The following PXYLP1 variants were observed in gnomAD, a reference collection of about 807,000 sequenced individuals.
The protein encoded by PXYLP1 is 2-phosphoxylose phosphatase 1.
A neutral mutation model predicts 37.9 loss-of-function variants in PXYLP1; 17 were observed. The observed-to-expected ratio is 0.45, with a 90% confidence interval of 0.31 to 0.67. PXYLP1 has a LOEUF of 0.67. Among genes scored for constraint, PXYLP1 ranks in the 30% least tolerant of loss-of-function variants. The probability of loss-of-function intolerance (pLI) is 0.07; values close to 1 mark genes in which losing one functional copy is unlikely to be tolerated. For missense variants in PXYLP1, 511 were observed against 612.0 expected (o/e 0.84, Z 1.74); for synonymous variants, 221 against 232.2 (o/e 0.95, Z 0.44).
chr3:141,262,633 T>G (rs1185674862), intron 2 of PXYLP1: 12 of 1,496,044 alleles, frequency 8.0e-6, no homozygotes, highest in Non-Finnish European at 1.1e-5. Flanking sequence ...CAGGGTAAAT[T>G]AGCCTGTCTG....
At chr3:141,259,480 G>A (rs1243373171) in intron 1 of PXYLP1, among the ~76,000 whole-genome samples, 2 of 151,976 alleles carry the variant, frequency 1.3e-5, no homozygotes, top group Non-Finnish European at 2.9e-5. Context: ...TGTGGTTAGG[G>A]GAATTTTGAA....
chr3:141,257,093 A>G (rs927674170), intron 1 of PXYLP1, among the ~76,000 whole-genome samples: 2 of 152,238 alleles, frequency 1.3e-5, no homozygotes, highest in Non-Finnish European at 2.9e-5. Context: ...GGAGATTTTC[A>G]TGTCGTGCCT....
chr3:141,283,881 G>A lies in PXYLP1; in HGVS notation c.366-3433G>A, dbSNP rs112565141. On this transcript the variant is annotated intron_variant, in intron 4 of 5. Transcript: ENST00000286353. ...TTGGGGTTCAGCCTCAAACTTTGTGGCATAAATAGATGTGAATAATGCATA... is the reference window on the plus strand; with the variant it reads ...TTGGGGTTCAGCCTCAAACTTTGTGACATAAATAGATGTGAATAATGCATA... Among the ~76,000 whole-genome samples, 340 of 151,910 alleles carry A rather than the reference G, an allele frequency of 2.2e-3. 2 individuals are homozygous for A. Among genetic ancestry groups the A allele is most frequent in the African/African-American group, 8.0e-3 (330 of 41,452 alleles).
chr3:141,256,389 AG>A (rs1941263086), intron 1 of PXYLP1, among the ~76,000 whole-genome samples: 1 of 152,182 alleles, frequency 6.6e-6, no homozygotes. Flanking sequence ...CTATCTTTGG[AG>A]CCTCGTCCTT....
At chr3:141,272,233 A>G (rs1489547732) in intron 2 of PXYLP1, among the ~76,000 whole-genome samples, 1 of 152,140 alleles carries the variant, frequency 6.6e-6, no homozygotes, top group Admixed American at 6.5e-5. Flanking sequence ...ACTCGGTTAT[A>G]ACTTTATCTG....
At chr3:141,262,300 G>A (rs752806632) in intron 2 of PXYLP1, 7 of 998,926 alleles carry the variant, frequency 7.0e-6, no homozygotes, top group Non-Finnish European at 8.4e-6. Context: ...ATTCCAGATG[G>A]CAAATGAATT....
At position 141,254,711 on chromosome 3, in the gene PXYLP1, G is replaced by GT. The variant is rs577412917; in HGVS notation, c.-53-5401dup. Reference sequence around the variant, plus strand: ...TTGTTCACAATTGCAGACTTGAAGGGTTTTTTTTTTTAATTGTAATGCTGT... The same window carrying GT: ...TTGTTCACAATTGCAGACTTGAAGGGTTTTTTTTTTTTAATTGTAATGCTGT... On this transcript the variant is annotated intron_variant, in intron 1 of 5. Transcript: ENST00000286353. 5.0e-3 allele frequency among the ~76,000 whole-genome samples: 727 copies of GT among 146,796 alleles called. 7 individuals carry two copies. The highest frequency in any genetic ancestry group is 0.014 in the African/African-American group (583 of 40,258).
chr3:141,281,779 G>GCCAC, intron 4 of PXYLP1, among the ~76,000 whole-genome samples: 1 of 152,176 alleles, frequency 6.6e-6, no homozygotes. Flanking sequence ...ACCAACCCAT[G>GCCAC]CAGTGTGAGG....
At chr3:141,286,225 A>G (rs530011756) in intron 4 of PXYLP1, among the ~76,000 whole-genome samples, 1 of 152,374 alleles carries the variant, frequency 6.6e-6, no homozygotes, top group Non-Finnish European at 1.5e-5. Flanking sequence ...TCATTTCATT[A>G]TTCAGGGTAA....
chr3:141,285,994 A>G (rs1312607874), intron 4 of PXYLP1, among the ~76,000 whole-genome samples: 8 of 152,046 alleles, frequency 5.3e-5, no homozygotes. Flanking sequence ...TAGATAATAA[A>G]CCCATTTTGG....
chr3:141,279,921 G>A (rs749623395), intron 4 of PXYLP1, among the ~76,000 whole-genome samples: 27 of 152,320 alleles, frequency 1.8e-4, no homozygotes, highest in Admixed American at 6.5e-4. Flanking sequence ...ATGCAAAGTT[G>A]GGGCAAAGAG....
intron 1 of PXYLP1, among the ~76,000 whole-genome samples, chr3:141,232,758 G>C (rs1940557206): frequency 6.6e-6 from 1 of 152,382 alleles, no homozygotes; most frequent in African/African-American, 2.4e-5. Flanking sequence ...TGTACCTGTG[G>C]ATGGTAAAGG....
intron 1 of PXYLP1, among the ~76,000 whole-genome samples, chr3:141,238,989 G>C (rs1370987430): frequency 2.0e-5 from 3 of 151,232 alleles, no homozygotes; most frequent in East Asian, 1.9e-4. Context: ...CTACGTGTAA[G>C]TCGACCTGCT....
At position 141,294,695 on chromosome 3, in the gene PXYLP1, C is replaced by T. The variant is rs1942308970; in HGVS notation, c.*1490C>T. The T allele has an allele frequency of 6.6e-6, 1 of 152,136 alleles. No homozygotes were observed. Among genetic ancestry groups the T allele is most frequent in the African/African-American group, 2.4e-5 (1 of 41,422 alleles). 9.4% of individuals were successfully genotyped at this position (152,136 alleles called of 1,614,324 possible). A position where few individuals can be genotyped will look rare whatever the true frequency, so the allele number is the denominator to read the frequency against. On this transcript the variant is annotated 3_prime_UTR_variant, in exon 6 of 6. Transcript: ENST00000286353. Reference sequence around the variant, plus strand: ...CACTCGAGTTATTTTCAAGTGAGAGCCAGTATTTTATTTTTCCCCCTTCAT... The same window carrying T: ...CACTCGAGTTATTTTCAAGTGAGAGTCAGTATTTTATTTTTCCCCCTTCAT...
intron 2 of PXYLP1, among the ~76,000 whole-genome samples, chr3:141,269,847 AATGGCCCTGTTAGGGT>A (rs1431201777): frequency 1.3e-5 from 2 of 152,220 alleles, no homozygotes; most frequent in Non-Finnish European, 2.9e-5. Flanking sequence ...CATCTAATCC[AATGGCCCTGTTAGGGT>A]AAGGCCAGTT....
intron 1 of PXYLP1, chr3:141,236,526 CAT>C (rs1283588154): frequency 4.6e-5 from 7 of 152,258 alleles, no homozygotes; most frequent in African/African-American, 1.2e-4. Context: ...TATTCAGAGA[CAT>C]GTGTCTTTTC....
intron 1 of PXYLP1, among the ~76,000 whole-genome samples, chr3:141,245,403 C>A (rs953379232): frequency 6.6e-6 from 1 of 152,176 alleles, no homozygotes; most frequent in Admixed American, 6.5e-5. Context: ...TCTTTCCATC[C>A]TGGTTTTCCA....
Position 141,233,317 on chromosome 3 carries a change from T to C in PXYLP1, c.-54+1406T>C, listed in dbSNP as rs145199079. ...CCCGTCTCTACTAAAAATACAAAAT[T>C]AGCCAGGCGTGGTGGTGCATACCTG... On this transcript the variant is annotated intron_variant, in intron 1 of 5. Transcript: ENST00000286353. Among the ~76,000 whole-genome samples, 866 of 151,998 alleles carry C rather than the reference T, an allele frequency of 5.7e-3. 9 individuals carry two copies. Among genetic ancestry groups the C allele is most frequent in the South Asian group, 0.032 (156 of 4,806 alleles).
intron 4 of PXYLP1, among the ~76,000 whole-genome samples, chr3:141,286,290 G>A (rs1277575225): frequency 6.6e-6 from 1 of 152,172 alleles, no homozygotes; most frequent in Non-Finnish European, 1.5e-5. Context: ...CAGAAATATA[G>A]ATACTCTCAG....
Sources: gnomAD v4.1 joint callset for allele counts (sites outside exome capture counted in the v4.1 genomes callset) on GRCh38, gnomAD v4.1.1 for gene constraint, MANE v1.5 for transcripts, NCBI Gene and HGNC (gene_info 2026-07-23, HGNC 2026-07-21) for gene names.